TMEM108: variants seen among roughly 807,000 people sequenced by gnomAD.
The protein encoded by TMEM108 is transmembrane protein 108.
Under a neutral mutation model 35.1 loss-of-function variants are expected in TMEM108, and 12 were observed. The ratio of observed to expected loss-of-function variants is 0.34; its 90% CI spans 0.22 to 0.55. The LOEUF (loss-of-function observed/expected upper bound fraction) is 0.55. Ranked by LOEUF, TMEM108 falls within the 20% of genes least tolerant of loss-of-function variation. The probability of loss-of-function intolerance (pLI) is 0.89; values close to 1 mark genes in which losing one functional copy is unlikely to be tolerated. For missense variants in TMEM108, 680 were observed against 753.3 expected (o/e 0.90, Z 1.14); for synonymous variants, 287 against 308.6 (o/e 0.93, Z 0.73).
chr3:133,306,702 CT>C (rs1029839118), intron 3 of TMEM108, among the ~76,000 whole-genome samples: 3 of 152,052 alleles, frequency 2.0e-5, no homozygotes, highest in Non-Finnish European at 4.4e-5. Flanking sequence ...TGAACTCATC[CT>C]TTTTTATGGC....
intron 3 of TMEM108, among the ~76,000 whole-genome samples, chr3:133,317,738 A>C (rs531815683): frequency 6.6e-6 from 1 of 152,340 alleles, no homozygotes; most frequent in Admixed American, 6.5e-5. Flanking sequence ...AGTACTTTCT[A>C]TATGCCAGAC....
At position 133,152,475 on chromosome 3, in the gene TMEM108, A is replaced by G. The variant is rs1944816311; in HGVS notation, c.-46-76791A>G. Among the ~76,000 whole-genome samples, 3 of 152,166 alleles carry G rather than the reference A, an allele frequency of 2.0e-5. No homozygotes were observed. In the South Asian group the frequency reaches 6.2e-4, roughly 32 times the overall value. ...AGTGATTTGATTTTGGAAAGAAAGA[A>G]TAAAAACAGGAAATCCGTCTTTATA... On this transcript the variant is annotated intron_variant, in intron 2 of 5. Transcript: ENST00000321871.
intron 2 of TMEM108, among the ~76,000 whole-genome samples, chr3:133,058,857 C>T (rs1030930297): frequency 6.6e-6 from 1 of 152,242 alleles, no homozygotes; most frequent in African/African-American, 2.4e-5. Context: ...GTGAGAGGCA[C>T]ATAGCAGGAG....
At chr3:133,350,610 T>G (rs544946245) in intron 3 of TMEM108, among the ~76,000 whole-genome samples, 4 of 152,018 alleles carry the variant, frequency 2.6e-5, no homozygotes, top group African/African-American at 9.7e-5. Flanking sequence ...AGAAAACAAA[T>G]GGAGAAAGGG....
intron 3 of TMEM108, among the ~76,000 whole-genome samples, chr3:133,371,920 C>G (rs1307982190): frequency 1.3e-5 from 2 of 152,182 alleles, no homozygotes; most frequent in Non-Finnish European, 2.9e-5. Flanking sequence ...AGACAAGACA[C>G]TGGCCATTTC....
intron 3 of TMEM108, among the ~76,000 whole-genome samples, chr3:133,240,301 A>G (rs1247890513): frequency 6.6e-6 from 1 of 152,202 alleles, no homozygotes; most frequent in African/African-American, 2.4e-5. Flanking sequence ...AAGTTTAGGC[A>G]TACCAGGTCC....
At chr3:133,350,058 G>A (rs2071943936) in intron 3 of TMEM108, among the ~76,000 whole-genome samples, 1 of 152,126 alleles carries the variant, frequency 6.6e-6, no homozygotes, top group Non-Finnish European at 1.5e-5. Flanking sequence ...TAAAGACAAT[G>A]TGGTATATGT....
rs148202202 is a variant in TMEM108, at chr3:133,242,016, G to A, written c.40+12665G>A. Among the ~76,000 whole-genome samples, 309 of 152,192 alleles carry A rather than the reference G, an allele frequency of 2.0e-3. 2 individuals carry two copies. Among genetic ancestry groups the A allele is most frequent in the African/African-American group, 6.9e-3 (285 of 41,500 alleles). Reference sequence around the variant, plus strand: ...CAAAAGTCCAAAATCAGGGTGTTGAGGGGAGGCCACACTCTCTCTGAAGGC... The same window carrying A: ...CAAAAGTCCAAAATCAGGGTGTTGAAGGGAGGCCACACTCTCTCTGAAGGC... On this transcript the variant is annotated intron_variant, in intron 3 of 5. Coordinates refer to ENST00000321871, the MANE Select transcript of TMEM108 (RefSeq NM_023943.4).
chr3:133,054,183 G>A (rs1943438196), intron 2 of TMEM108, among the ~76,000 whole-genome samples: 1 of 152,142 alleles, frequency 6.6e-6, no homozygotes, highest in Non-Finnish European at 1.5e-5. Context: ...AATAGTATTT[G>A]TGGGTTATAT....
intron 3 of TMEM108, among the ~76,000 whole-genome samples, chr3:133,258,782 T>C (rs1221604068): frequency 3.3e-5 from 5 of 152,204 alleles, no homozygotes; most frequent in Non-Finnish European, 7.4e-5. Context: ...CAGGTGAGCA[T>C]ACCTCATGGC....
chr3:133,315,593 C>T (rs1443044955), intron 3 of TMEM108, among the ~76,000 whole-genome samples: 1 of 152,198 alleles, frequency 6.6e-6, no homozygotes, highest in Admixed American at 6.5e-5. Context: ...AGTGCTTCTG[C>T]CTCTTCCAGG....
intron 2 of TMEM108, among the ~76,000 whole-genome samples, chr3:133,203,304 C>T (rs939277415): frequency 1.3e-5 from 2 of 152,136 alleles, no homozygotes; most frequent in African/African-American, 2.4e-5. Context: ...TGCCTGACTG[C>T]CCTGGCCAGA....
intron 3 of TMEM108, among the ~76,000 whole-genome samples, chr3:133,317,005 C>A (rs1020986921): frequency 6.6e-6 from 1 of 152,148 alleles, no homozygotes; most frequent in Admixed American, 6.5e-5. Context: ...CATAAAAGAA[C>A]GCTACTGAAA....
chr3:133,200,760 A>G (rs1442137820), intron 2 of TMEM108, among the ~76,000 whole-genome samples: 2 of 152,146 alleles, frequency 1.3e-5, no homozygotes, highest in African/African-American at 4.8e-5. Context: ...TAGTCCCCAC[A>G]TTTGTCCCAG....
chr3:133,041,893 G>GT (rs1943280756), intron 1 of TMEM108: 1 of 152,322 alleles, frequency 6.6e-6, no homozygotes, highest in Admixed American at 6.5e-5. Context: ...GAGAGTATTA[G>GT]TAAAAATAAT....
rs1357822332 is a variant in TMEM108, at chr3:133,380,475, C to T, written c.764C>T (p.Ala255Val). ...SSSPQPQTVA[A>V]TTVPSNTSWA... The stretch of plus-strand genomic sequence containing the variant: ...TCACCACAGCCCCAGACAGTGGCTG[C>T]GACCACAGTGCCCAGCAATACCTCA... Residue 255 changes from alanine to valine, a missense_variant, in exon 4 of 6, where the codon GCG becomes GTG. Ala to Val is a moderately conservative substitution (Grantham distance 64, BLOSUM62 0). Transcript: ENST00000321871. This position sits in a 1 kb window ranked among gnomAD's most constrained non-coding sequence, Gnocchi z 5.3. 5.6e-6 allele frequency: 9 copies of T among 1,613,746 alleles called. No individual in the cohort carries two copies. The highest frequency in any genetic ancestry group is 5.3e-5 in the African/African-American group (4 of 74,898).
In TMEM108 at chr3:133,327,072, T is replaced by C. The variant is rs2071341777; in HGVS notation, c.41-52680T>C. On this transcript the variant is annotated intron_variant, in intron 3 of 5. Transcript: ENST00000321871. Reference sequence around the variant, plus strand: ...AGGAACCTAGGTGGACTCCCCAGGCTGTGAGTGTGTGTGACTGTTTGCCAC... The same window carrying C: ...AGGAACCTAGGTGGACTCCCCAGGCCGTGAGTGTGTGTGACTGTTTGCCAC... Among the ~76,000 whole-genome samples the C allele has an allele frequency of 3.4e-5, 4 of 119,164 alleles. No homozygotes were observed. The South Asian group carries it at 1.2e-3, about 36-fold the overall frequency. The allele number at this position is 119,164 out of a possible 152,430, so 78.2% of individuals were successfully genotyped here.
At chr3:133,192,298 G>A (rs1377921682) in intron 2 of TMEM108, among the ~76,000 whole-genome samples, 2 of 152,162 alleles carry the variant, frequency 1.3e-5, no homozygotes, top group African/African-American at 4.8e-5. Flanking sequence ...TCTTATTTTG[G>A]ACACATTGAG....
At chr3:133,319,625 T>C (rs1234032205) in intron 3 of TMEM108, among the ~76,000 whole-genome samples, 2 of 152,178 alleles carry the variant, frequency 1.3e-5, no homozygotes, top group African/African-American at 4.8e-5. Context: ...CAGAGTCTAC[T>C]TCACTCCCCT....
Sources: allele counts gnomAD v4.1 joint callset (sites outside exome capture counted in the v4.1 genomes callset), GRCh38; gene constraint gnomAD v4.1.1; non-coding constraint Gnocchi (gnomAD v3.1); transcripts MANE v1.5; gene names NCBI Gene and HGNC (gene_info 2026-07-23, HGNC 2026-07-21).